Variants in KLF12 observed in about 807,000 individuals in gnomAD.
The protein encoded by KLF12 is KLF transcription factor 12.
Under a neutral mutation model 37.8 loss-of-function variants are expected in KLF12, and 9 were observed. The ratio of observed to expected loss-of-function variants is 0.24; its 90% CI spans 0.14 to 0.42. KLF12 has a LOEUF of 0.42. Ranked by LOEUF, KLF12 falls within the 10% of genes least tolerant of loss-of-function variation. The probability of loss-of-function intolerance (pLI) is 1.00; values close to 1 mark genes in which losing one functional copy is unlikely to be tolerated. For synonymous variants in KLF12, 208 were observed against 202.1 expected, an observed-to-expected ratio of 1.03 and a Z score of -0.25; for missense variants, 411 against 516.0, an observed-to-expected ratio of 0.80 and a Z score of 1.97.
chr13:73,735,904 C>T (rs1011512129), intron 6 of KLF12, among the ~76,000 whole-genome samples: 9 of 151,604 alleles, frequency 5.9e-5, no homozygotes, highest in South Asian at 4.2e-4. Flanking sequence ...TTGAATGCTG[C>T]GACCAAGTAC....
At chr13:74,135,640 C>A (rs1251117922), upstream of KLF12, among the ~76,000 whole-genome samples, 1 of 151,666 alleles carries the variant, frequency 6.6e-6, no homozygotes, top group East Asian at 2.0e-4. Context: ...GCTGTGGGCC[C>A]GCCTCCTCAC....
At chr13:73,802,106 AATTG>A (rs1882309495) in intron 5 of KLF12, 1 of 152,216 alleles carries the variant, frequency 6.6e-6, no homozygotes, top group South Asian at 2.1e-4. Context: ...GTGTCTGTCA[AATTG>A]ATTGTTTAGC....
chr13:73,694,153 G>A lies in KLF12; in HGVS notation c.*1337C>T, dbSNP rs1593963549. The A allele has an allele frequency of 2.0e-5, 3 of 152,594 alleles. No individual in the cohort carries two copies. The highest frequency in any genetic ancestry group is 4.8e-5 in the African/African-American group (2 of 41,442). The allele number at this position is 152,594 out of a possible 1,614,324, so 9.5% of individuals were successfully genotyped here. A position where few individuals can be genotyped will look rare whatever the true frequency, so the allele number is the denominator to read the frequency against. ...CTCCAAGAGAGGAAACTAGCACCAT[G>A]TCGGGCTTTCTATGGGAAGCATTCT... On this transcript the variant is annotated 3_prime_UTR_variant, in exon 8 of 8. Coordinates refer to ENST00000377669, the MANE Select transcript of KLF12 (RefSeq NM_007249.5).
chr13:74,153,525 A>G, the KLF12 span, among the ~76,000 whole-genome samples: 4 of 152,084 alleles, frequency 2.6e-5, no homozygotes, highest in African/African-American at 9.6e-5. Flanking sequence ...TGCTTTTTTC[A>G]TCTTCCTTGT....
At chr13:73,978,878 T>C (rs1891614222) in intron 2 of KLF12, among the ~76,000 whole-genome samples, 1 of 152,154 alleles carries the variant, frequency 6.6e-6, no homozygotes, top group Non-Finnish European at 1.5e-5. Context: ...TGAAGGAAAC[T>C]TACATACATA....
At position 73,730,992 on chromosome 13, in the gene KLF12, C is replaced by T. The variant is rs571436338; in HGVS notation, c.870-15467G>A. ...TCTGGCTTATGACAGTAAGCTTCCA[C>T]GGTGAGAAGGTGATTAAAGTCAAGG... On this transcript the variant is annotated intron_variant, in intron 6 of 7. Transcript: ENST00000377669. Among the ~76,000 whole-genome samples the T allele has an allele frequency of 4.6e-5, 7 of 152,158 alleles. No homozygotes were observed. In the South Asian group the frequency reaches 6.2e-4, roughly 14 times the overall value.
At chr13:74,109,608 G>GT (rs1255811451) in intron 1 of KLF12, among the ~76,000 whole-genome samples, 1 of 152,142 alleles carries the variant, frequency 6.6e-6, no homozygotes, top group African/African-American at 2.4e-5. Context: ...GAAGAAAATT[G>GT]TAAGATGTCC....
intron 3 of KLF12, among the ~76,000 whole-genome samples, chr13:73,936,182 A>T (rs1304751571): frequency 2.0e-5 from 3 of 152,148 alleles, no homozygotes; most frequent in African/African-American, 7.2e-5. Flanking sequence ...CGGATGCCAG[A>T]CATTGTGATT....
At chr13:74,088,673 G>T (rs1875466314) in intron 1 of KLF12, among the ~76,000 whole-genome samples, 1 of 152,122 alleles carries the variant, frequency 6.6e-6, no homozygotes. Flanking sequence ...CTGAACATTT[G>T]GGTTACTATC....
At chr13:73,898,332 TTCTC>T (rs981428606) in intron 3 of KLF12, among the ~76,000 whole-genome samples, 1 of 152,168 alleles carries the variant, frequency 6.6e-6, no homozygotes, top group Non-Finnish European at 1.5e-5. Flanking sequence ...AAGGACAACA[TTCTC>T]TCTCTCATTT....
chr13:74,230,494 C>T, the KLF12 span, among the ~76,000 whole-genome samples: 1 of 152,164 alleles, frequency 6.6e-6, no homozygotes, highest in Non-Finnish European at 1.5e-5. Context: ...CTCATCCACA[C>T]TCTCATCAAT....
intron 4 of KLF12, among the ~76,000 whole-genome samples, chr13:73,823,018 C>A (rs1435436206): frequency 6.6e-6 from 1 of 152,168 alleles, no homozygotes; most frequent in Non-Finnish European, 1.5e-5. Flanking sequence ...TTGTGGTACA[C>A]ACATATGGAG....
At chr13:74,179,424 C>T in the KLF12 span, among the ~76,000 whole-genome samples, 6 of 152,126 alleles carry the variant, frequency 3.9e-5, no homozygotes, top group Non-Finnish European at 8.8e-5. Flanking sequence ...TATATTACTG[C>T]CTTTTTGAAT....
chr13:74,275,882 TTTC>T, the KLF12 span, among the ~76,000 whole-genome samples: 1 of 63,520 alleles, frequency 1.6e-5, no homozygotes, highest in African/African-American at 1.0e-4. Context: ...TTCTTTCTTC[TTTC>T]TTTCTTTCTT....
chr13:74,298,369 A>G, the KLF12 span, among the ~76,000 whole-genome samples: 2 of 152,164 alleles, frequency 1.3e-5, no homozygotes, highest in African/African-American at 4.8e-5. Flanking sequence ...TGCTGTTCCC[A>G]TGTTTGGTAG....
At chr13:73,876,168 A>G (rs569014831) in intron 3 of KLF12, among the ~76,000 whole-genome samples, 1 of 145,394 alleles carries the variant, frequency 6.9e-6, no homozygotes, top group Non-Finnish European at 1.5e-5. Context: ...AAAAAAAAAA[A>G]GGTTTTAGCT....
At chr13:74,134,203 CAAG>C (rs1362019740), upstream of KLF12, among the ~76,000 whole-genome samples, 27 of 151,692 alleles carry the variant, frequency 1.8e-4, no homozygotes, top group Admixed American at 1.2e-3. Context: ...GGGCCGAAAA[CAAG>C]AAACCCCCAA....
intron 1 of KLF12, among the ~76,000 whole-genome samples, chr13:74,117,662 G>A (rs1877386777): frequency 1.3e-5 from 2 of 152,240 alleles, no homozygotes; most frequent in Middle Eastern, 6.8e-3. Context: ...ATCATCAGTG[G>A]TATCTTGTGG....
rs1220242976 is a variant in KLF12, at chr13:73,692,404, A to C, written c.*3086T>G. 1.3e-5 allele frequency: 2 copies of C among 152,626 alleles called. No homozygotes were observed. The highest frequency in any genetic ancestry group is 1.5e-5 in the Non-Finnish European group (1 of 68,032). The allele number at this position is 152,626 out of a possible 1,614,324, so 9.5% of individuals were successfully genotyped here. A position where few individuals can be genotyped will look rare whatever the true frequency, so the allele number is the denominator to read the frequency against. On this transcript the variant is annotated 3_prime_UTR_variant, in exon 8 of 8. Transcript: ENST00000377669. ...AAATCAGGTCTACTGCAGCTGCTTA[A>C]GTAGTTAATGGCTCTATGTGTATAA...
Sources: gnomAD v4.1 joint callset for allele counts (sites outside exome capture counted in the v4.1 genomes callset) on GRCh38, gnomAD v4.1.1 for gene constraint, MANE v1.5 for transcripts, NCBI Gene and HGNC (gene_info 2026-07-23, HGNC 2026-07-21) for gene names.